DPY19L2: variants seen among roughly 807,000 people sequenced by gnomAD.
DPY19L2 encodes probable C-mannosyltransferase DPY19L2.
In DPY19L2, 34 loss-of-function variants were observed where a neutral mutation model predicts 97.9. The observed-to-expected ratio is 0.35, with a 90% CI of 0.26 to 0.46. The LOEUF (loss-of-function observed/expected upper bound fraction) is 0.46, where lower values mean the gene tolerates loss of function less well. DPY19L2 is among the 20% of genes least tolerant of loss of function. DPY19L2 has a pLI of 1.00. For synonymous variants in DPY19L2, 230 were observed against 307.9 expected (o/e 0.75, Z 2.65); for missense variants, 623 against 911.4 (o/e 0.68, Z 4.07).
chr12:63,562,702 T>C (rs1876822769), intron 21 of DPY19L2, among the ~76,000 whole-genome samples: 1 of 152,170 alleles, frequency 6.6e-6, no homozygotes, highest in South Asian at 2.1e-4. Context: ...ATTAAGTATT[T>C]AGTTACGTCT....
chr12:63,649,185 T>TA (rs1893839148), intron 4 of DPY19L2, among the ~76,000 whole-genome samples: 1 of 152,138 alleles, frequency 6.6e-6, no homozygotes, highest in African/African-American at 2.4e-5. Flanking sequence ...AAAGCAGTGT[T>TA]AAGAGGAAAA....
At chr12:63,600,879 G>A (rs1885069419) in intron 12 of DPY19L2, among the ~76,000 whole-genome samples, 1 of 150,418 alleles carries the variant, frequency 6.6e-6, no homozygotes, top group Non-Finnish European at 1.5e-5. Context: ...TCCGCCTCCC[G>A]GGTTCACGGC....
intron 4 of DPY19L2, chr12:63,660,905 G>A (rs146680216): frequency 0.066 from 10,048 of 152,166 alleles, 358 homozygotes; most frequent in Middle Eastern, 0.095. Context: ...GCTAAGTGTT[G>A]GAAAATAGTA....
chr12:63,636,106 G>GT (rs926992476), intron 6 of DPY19L2, among the ~76,000 whole-genome samples: 1 of 150,702 alleles, frequency 6.6e-6, no homozygotes. Flanking sequence ...AAGCCAGAAG[G>GT]GGGGGCGGCC....
intron 4 of DPY19L2, chr12:63,651,763 A>T: frequency 3.0e-6 from 1 of 335,974 alleles, no homozygotes; most frequent in South Asian, 3.0e-5. Flanking sequence ...ATGAATAAAG[A>T]GCTGGCTGCC....
In DPY19L2 at chr12:63,636,061, G is replaced by C. The variant is rs549439149; in HGVS notation, c.803+8342C>G. Among the ~76,000 whole-genome samples, 862 of 152,182 alleles carry C rather than the reference G, an allele frequency of 5.7e-3. 7 individuals are homozygous for C. Among genetic ancestry groups the C allele is most frequent in the Non-Finnish European group, 9.0e-3 (609 of 68,008 alleles). ...GGGTTACCCACAAAGGGAAGCCCATGAGACTAACAGCTGATCTCTTGGCAG... is the reference window on the plus strand; with the variant it reads ...GGGTTACCCACAAAGGGAAGCCCATCAGACTAACAGCTGATCTCTTGGCAG... On this transcript the variant is annotated intron_variant, in intron 6 of 21. Coordinates refer to ENST00000324472, the MANE Select transcript of DPY19L2 (RefSeq NM_173812.5).
At chr12:63,609,863 T>C (rs149439932) in intron 11 of DPY19L2, among the ~76,000 whole-genome samples, 2,221 of 152,272 alleles carry the variant, frequency 0.015, 24 homozygotes, top group Non-Finnish European at 0.02. Flanking sequence ...TTAGTTGGTG[T>C]AGAAATTCCC....
chr12:63,640,885 T>C (rs1892593626), intron 6 of DPY19L2, among the ~76,000 whole-genome samples: 1 of 152,152 alleles, frequency 6.6e-6, no homozygotes, highest in Non-Finnish European at 1.5e-5. Context: ...ATTTATTCAT[T>C]TATTTATTGA....
intron 19 of DPY19L2, among the ~76,000 whole-genome samples, chr12:63,574,747 G>T (rs1037321226): frequency 2.6e-5 from 4 of 151,702 alleles, no homozygotes; most frequent in African/African-American, 9.7e-5. Flanking sequence ...GGTTCATTCA[G>T]CAAGAGTATA....
chr12:63,583,537 G>T (rs1881294145), intron 17 of DPY19L2, among the ~76,000 whole-genome samples: 1 of 152,212 alleles, frequency 6.6e-6, no homozygotes, highest in African/African-American at 2.4e-5. Flanking sequence ...GATTAGCTCA[G>T]CAGGCTAGAA....
At chr12:63,636,872 T>C (rs1255214322) in intron 6 of DPY19L2, among the ~76,000 whole-genome samples, 1 of 152,044 alleles carries the variant, frequency 6.6e-6, no homozygotes, top group Admixed American at 6.6e-5. Flanking sequence ...ATTGGACAGA[T>C]CAACGAGACA....
chr12:63,590,781 G>A (rs1882761955), intron 16 of DPY19L2, among the ~76,000 whole-genome samples: 2 of 151,952 alleles, frequency 1.3e-5, no homozygotes, highest in African/African-American at 4.8e-5. Flanking sequence ...TTGATACGCT[G>A]GTTTTTCAGA....
rs1876031754 is a variant in DPY19L2, at chr12:63,559,061, TTTG to T, written c.*1448_*1450del. The T allele has an allele frequency of 6.6e-6, 1 of 152,158 alleles. No homozygotes were observed. Among genetic ancestry groups the T allele is most frequent in the Non-Finnish European group, 1.5e-5 (1 of 67,990 alleles). 9.4% of individuals were successfully genotyped at this position (152,158 alleles called of 1,614,324 possible). ...TGTAAAAACATCATCCAAAATATACTTTGTTAATTTTTATGAATGTTAGGTGTT... is the reference window on the plus strand; with the variant it reads ...TGTAAAAACATCATCCAAAATATACTTTAATTTTTATGAATGTTAGGTGTT... On this transcript the variant is annotated 3_prime_UTR_variant, in exon 22 of 22. Coordinates refer to ENST00000324472, the MANE Select transcript of DPY19L2 (RefSeq NM_173812.5).
intron 15 of DPY19L2, among the ~76,000 whole-genome samples, chr12:63,595,543 A>ATTAG (rs2137518927): frequency 6.6e-6 from 1 of 152,334 alleles, no homozygotes; most frequent in African/African-American, 2.4e-5. Context: ...ACTGTGCTTT[A>ATTAG]TATTTGAAAG....
rs540515229 is a variant in DPY19L2 at position 63,667,407 on chromosome 12, G to GA, written c.337+649dup. Among the ~76,000 whole-genome samples the GA allele has an allele frequency of 4.3e-3, 646 of 151,676 alleles. 8 individuals are homozygous for GA. The highest frequency in any genetic ancestry group is 0.014 in the African/African-American group (599 of 41,364). On this transcript the variant is annotated intron_variant, in intron 1 of 21. Coordinates refer to ENST00000324472, the MANE Select transcript of DPY19L2 (RefSeq NM_173812.5). ...CTCCCTTAACCCACATACCACATCTGAAAAAAAATGATATGGTGTAACGAT... is the reference window on the plus strand; with the variant it reads ...CTCCCTTAACCCACATACCACATCTGAAAAAAAAATGATATGGTGTAACGAT...
At chr12:63,620,229 G>A (rs996427247) in intron 9 of DPY19L2, 10 of 284,614 alleles carry the variant, frequency 3.5e-5, no homozygotes, top group Admixed American at 1.4e-4. Flanking sequence ...AGTTGCTTTA[G>A]AAACAGGATA....
At chr12:63,628,525 A>G (rs893911707) in intron 6 of DPY19L2, among the ~76,000 whole-genome samples, 2 of 152,012 alleles carry the variant, frequency 1.3e-5, no homozygotes, top group Admixed American at 6.6e-5. Flanking sequence ...GGGGAGGGGC[A>G]CCCACCATGG....
Position 63,610,841 on chromosome 12 carries a change from C to CAAAAAAA in DPY19L2, c.1219-2173_1219-2167dup, listed in dbSNP as rs56044043. Among the ~76,000 whole-genome samples, 22 of 10,774 alleles carry CAAAAAAA rather than the reference C, an allele frequency of 2.0e-3. 4 individuals carry two copies. The highest frequency in any genetic ancestry group is 3.0e-3 in the African/African-American group (14 of 4,648). 7.1% of individuals were successfully genotyped at this position (10,774 alleles called of 152,430 possible). ...AGGCCAGTACCTCTGATGAATATAGCAAAAAAAAAAAAAAAAAAAAAAAAA... is the reference window on the plus strand; with the variant it reads ...AGGCCAGTACCTCTGATGAATATAGCAAAAAAAAAAAAAAAAAAAAAAAAAAAAAAAA... On this transcript the variant is annotated intron_variant, in intron 11 of 21. Coordinates refer to ENST00000324472, the MANE Select transcript of DPY19L2 (RefSeq NM_173812.5).
intron 11 of DPY19L2, among the ~76,000 whole-genome samples, chr12:63,611,319 A>G (rs2137682959): frequency 6.6e-6 from 1 of 152,008 alleles, no homozygotes; most frequent in African/African-American, 2.4e-5. Flanking sequence ...GCATCACAGA[A>G]AAAAGCTCAA....
Sources: allele counts gnomAD v4.1 joint callset (sites outside exome capture counted in the v4.1 genomes callset), GRCh38; gene constraint gnomAD v4.1.1; transcripts MANE v1.5; gene names NCBI Gene and HGNC (gene_info 2026-07-23, HGNC 2026-07-21).